Variants in APH1B observed in about 807,000 individuals in gnomAD.
APH1B encodes the protein aph-1B gamma-secretase subunit, also known as gamma-secretase subunit APH-1B.
Under a neutral mutation model 28.2 loss-of-function variants are expected in APH1B, and 27 were observed. That is an observed-to-expected ratio of 0.96 (90% CI 0.70 to 1.32). The LOEUF (loss-of-function observed/expected upper bound fraction) is 1.32, where lower values mean the gene tolerates loss of function less well. APH1B is among the 40% of genes most tolerant of loss of function. APH1B has a pLI of 0.00. For synonymous variants in APH1B, 141 were observed against 124.6 expected, an observed-to-expected ratio of 1.13 and a Z score of -0.88; for missense variants, 305 against 313.6, an observed-to-expected ratio of 0.97 and a Z score of 0.21.
At chr15:63,299,294 G>C (rs997218553) in intron 4 of APH1B, among the ~76,000 whole-genome samples, 1 of 152,188 alleles carries the variant, frequency 6.6e-6, no homozygotes, top group Admixed American at 6.5e-5. Flanking sequence ...TTGGAAGAAA[G>C]TCAGGGCTAA....
intron 4 of APH1B, among the ~76,000 whole-genome samples, chr15:63,295,474 T>A (rs1402030617): frequency 6.6e-6 from 1 of 152,228 alleles, no homozygotes; most frequent in Non-Finnish European, 1.5e-5. Flanking sequence ...TGTTTTTTAA[T>A]GTGCTACATA....
At chr15:63,282,445 C>G (rs2038398690) in intron 2 of APH1B, among the ~76,000 whole-genome samples, 1 of 152,154 alleles carries the variant, frequency 6.6e-6, no homozygotes, top group East Asian at 1.9e-4. Context: ...TAATCTTGTT[C>G]TTACATGAAT....
chr15:63,287,451 G>T lies in APH1B; in HGVS notation c.383G>T (p.Ser128Ile). Residue 128 changes from serine to isoleucine, a missense_variant, in exon 4 of 6, where the codon AGT (serine) becomes ATT (isoleucine). Ser to Ile is a moderately radical substitution (Grantham distance 142). Coordinates refer to ENST00000261879, the MANE Select transcript of APH1B (RefSeq NM_031301.4). ...YVSGLGFGIM[S>I]GVFSFVNTLS... is the part of the protein sequence containing the mutation. Reference sequence around the variant, plus strand: ...TCTGGCTTGGGCTTTGGAATCATGAGTGGAGTATTTTCCTTTGTGAATACC... The same window carrying T: ...TCTGGCTTGGGCTTTGGAATCATGATTGGAGTATTTTCCTTTGTGAATACC... 3 of 1,614,012 alleles carry T rather than the reference G, an allele frequency of 1.9e-6. No individual in the cohort carries two copies. The highest frequency in any genetic ancestry group is 2.5e-6 in the Non-Finnish European group (3 of 1,179,898).
At chr15:63,286,209 G>A (rs941835915) in intron 2 of APH1B, among the ~76,000 whole-genome samples, 13 of 152,164 alleles carry the variant, frequency 8.5e-5, no homozygotes, top group Non-Finnish European at 1.8e-4. Flanking sequence ...AAATCAGAGT[G>A]GTAGATCCCA....
chr15:63,299,656 G>A (rs899977476), intron 4 of APH1B, among the ~76,000 whole-genome samples: 2 of 151,796 alleles, frequency 1.3e-5, no homozygotes, highest in Admixed American at 6.6e-5. Context: ...CTCCTGCCTC[G>A]GCCTCCCAAA....
intron 4 of APH1B, 82 bp downstream of exon 4, chr15:63,287,628 A>T (rs2038462274): frequency 1.3e-6 from 2 of 1,503,702 alleles, no homozygotes; most frequent in Non-Finnish European, 1.8e-6. Flanking sequence ...TAGGAATTTC[A>T]GTGGATTGGA....
rs2038671263 is a variant in APH1B, at chr15:63,304,949, TTCAGGCC to T, written c.607-663_607-657del. On this transcript the variant is annotated intron_variant, in intron 5 of 5. Transcript: ENST00000261879. This position sits in a 1 kb window ranked among gnomAD's most constrained non-coding sequence, Gnocchi z 5.1. Reference sequence around the variant, plus strand: ...GCTACCTGTAAAATCTACCACTTTCTTCAGGCCTTCTTTGACAGCCCTAAGGAGATCA... The same window carrying T: ...GCTACCTGTAAAATCTACCACTTTCTTTCTTTGACAGCCCTAAGGAGATCA... 6.6e-6 allele frequency among the ~76,000 whole-genome samples: 1 copy of T among 152,214 alleles called. No homozygotes were observed. The highest frequency in any genetic ancestry group is 1.5e-5 in the Non-Finnish European group (1 of 68,038).
intron 4 of APH1B, among the ~76,000 whole-genome samples, chr15:63,293,942 T>TC (rs1214890054): frequency 6.6e-6 from 1 of 151,700 alleles, no homozygotes; most frequent in Non-Finnish European, 1.5e-5. Flanking sequence ...TTTTTTTTTT[T>TC]CCTGTAGAGA....
chr15:63,297,008 A>G (rs1257858258), intron 4 of APH1B, among the ~76,000 whole-genome samples: 8 of 152,186 alleles, frequency 5.3e-5, no homozygotes, highest in Non-Finnish European at 8.8e-5. Flanking sequence ...AATATTCACT[A>G]CCAAGATACT....
In APH1B at chr15:63,279,148, C is replaced by T. The variant is rs368160144; in HGVS notation, c.114-13C>T. ...TGATGTTCACTTGTAACTTTTTTTCCCGTATTTTTCAGAGCTTTCTTCTGG... is the reference window on the plus strand; with the variant it reads ...TGATGTTCACTTGTAACTTTTTTTCTCGTATTTTTCAGAGCTTTCTTCTGG... On this transcript the variant is annotated splice_polypyrimidine_tract_variant and intron_variant, in intron 1 of 5. Coordinates refer to ENST00000261879, the MANE Select transcript of APH1B (RefSeq NM_031301.4). 2.2e-5 allele frequency: 34 copies of T among 1,567,042 alleles called. No individual in the cohort carries two copies. The East Asian group carries it at 2.5e-4, about 12-fold the overall frequency.
At chr15:63,297,751 G>A (rs1446345884) in intron 4 of APH1B, among the ~76,000 whole-genome samples, 1 of 152,164 alleles carries the variant, frequency 6.6e-6, no homozygotes, top group Non-Finnish European at 1.5e-5. Flanking sequence ...GTAGCCACGT[G>A]TGTGTGGCAG....
At chr15:63,297,057 G>A (rs1451173550) in intron 4 of APH1B, among the ~76,000 whole-genome samples, 6 of 152,294 alleles carry the variant, frequency 3.9e-5, no homozygotes, top group East Asian at 3.9e-4. Flanking sequence ...GTCCATTATC[G>A]ACTAGACAGT....
chr15:63,308,950 T>G lies in APH1B; in HGVS notation c.*3169T>G, dbSNP rs1414160943. On this transcript the variant is annotated 3_prime_UTR_variant, in exon 6 of 6. Coordinates refer to ENST00000261879, the MANE Select transcript of APH1B (RefSeq NM_031301.4). ...AGGCTTTTTACTTCATTCTATTAAATTTTAGTGTTTAGAAGAGGCGGGTAC... is the reference window on the plus strand; with the variant it reads ...AGGCTTTTTACTTCATTCTATTAAAGTTTAGTGTTTAGAAGAGGCGGGTAC... 6 of 152,262 alleles carry G rather than the reference T, an allele frequency of 3.9e-5. No homozygotes were observed. The highest frequency in any genetic ancestry group is 8.8e-5 in the Non-Finnish European group (6 of 68,046). The allele number at this position is 152,262 out of a possible 1,614,324, so 9.4% of individuals were successfully genotyped here.
At chr15:63,287,225 A>C in intron 3 of APH1B, 199 bp from the exon 4 acceptor site, 1 of 605,482 alleles carries the variant, frequency 1.7e-6, no homozygotes, top group Non-Finnish European at 2.8e-6. Context: ...TCTGCCATTC[A>C]TTTCCTTTCC....
Position 63,306,346 on chromosome 15 carries a change from A to G in APH1B, c.*565A>G, listed in dbSNP as rs1420689491. The G allele has an allele frequency of 6.6e-6, 1 of 152,440 alleles. No individual in the cohort carries two copies. The highest frequency in any genetic ancestry group is 2.4e-5 in the African/African-American group (1 of 41,456). The allele number at this position is 152,440 out of a possible 1,614,324, so 9.4% of individuals were successfully genotyped here. ...ACGGTAGGTTGGGCTTCTAAATGCA[A>G]TAATAAATTACGCTGACTGTGGTAA... On this transcript the variant is annotated 3_prime_UTR_variant, in exon 6 of 6. Coordinates refer to ENST00000261879, the MANE Select transcript of APH1B (RefSeq NM_031301.4).
chr15:63,288,867 G>A (rs953455693), intron 4 of APH1B, among the ~76,000 whole-genome samples: 2 of 152,080 alleles, frequency 1.3e-5, no homozygotes, highest in Non-Finnish European at 2.9e-5. Context: ...TAATCGTAAG[G>A]GGTGTTAGTG....
chr15:63,287,286 C>T lies in APH1B; in HGVS notation c.356-138C>T, dbSNP rs549784175. The T allele has an allele frequency of 1.1e-4, 132 of 1,213,564 alleles. No homozygotes were observed. In the African/African-American group the frequency reaches 1.8e-3, roughly 16 times the overall value. The allele number at this position is 1,213,564 out of a possible 1,614,324, so 75.2% of individuals were successfully genotyped here. A position where few individuals can be genotyped will look rare whatever the true frequency, so the allele number is the denominator to read the frequency against. On this transcript the variant is annotated intron_variant, in intron 3 of 5. Coordinates refer to ENST00000261879, the MANE Select transcript of APH1B (RefSeq NM_031301.4). ...TCATTTAGCCAAGCACATGCCTCTC[C>T]AGAGCCAGCTGTCCACTGCTTCAGG...
chr15:63,303,713 G>A (rs1252836116), intron 5 of APH1B, among the ~76,000 whole-genome samples: 3 of 152,126 alleles, frequency 2.0e-5, no homozygotes, highest in East Asian at 3.9e-4. Context: ...GGCTGGCTTC[G>A]AACTCCTGGG....
chr15:63,277,760 C>T (rs2038340313), intron 1 of APH1B, 24 bp downstream of exon 1: 1 of 1,600,968 alleles, frequency 6.2e-7, no homozygotes, highest in Non-Finnish European at 8.5e-7. Context: ...GTCGGGAAAC[C>T]CGGACGCCGG....
Sources: allele counts gnomAD v4.1 joint callset (sites outside exome capture counted in the v4.1 genomes callset), GRCh38; gene constraint gnomAD v4.1.1; non-coding constraint Gnocchi (gnomAD v3.1); transcripts MANE v1.5; gene names NCBI Gene and HGNC (gene_info 2026-07-23, HGNC 2026-07-21).